The following PYROXD1 variants were observed in gnomAD, a reference collection of about 807,000 sequenced individuals.
PYROXD1 encodes the protein tRNA ligase complex-associated NAD(P)H dehydrogenase PYROXD1.
Under a neutral mutation model 62.0 loss-of-function variants are expected in PYROXD1, and 42 were observed. That is an observed-to-expected ratio of 0.68 (90% CI 0.53 to 0.88). The LOEUF is 0.88. PYROXD1 is among the 40% of genes least tolerant of loss of function. The pLI, the probability that PYROXD1 is intolerant of heterozygous loss-of-function variation, is 0.00. For synonymous variants in PYROXD1, 170 were observed against 206.4 expected (o/e 0.82, Z 1.51); for missense variants, 493 against 604.8 (o/e 0.82, Z 1.94).
At position 21,449,596 on chromosome 12, in the gene PYROXD1, T is replaced by C. The variant is rs1185527011; in HGVS notation, c.319T>C (p.Tyr107His). The C allele has an allele frequency of 6.2e-7, 1 of 1,613,318 alleles. No homozygotes were observed. Among genetic ancestry groups the C allele is most frequent in the South Asian group, 1.1e-5 (1 of 90,992 alleles). Residue 107 changes from tyrosine to histidine, a missense_variant, in exon 4 of 12, where the codon TAT (tyrosine) becomes CAT (histidine). Tyr to His is a moderately conservative substitution (Grantham distance 83, BLOSUM62 2). This residue lies in a region of PYROXD1 where 164 missense variants were observed against 158.2 expected (regional missense o/e 1.04). Transcript: ENST00000240651. Reference protein sequence around the residue: ...IVTEDGNQHVYKKLCLCAGAK... With the variant: ...IVTEDGNQHVHKKLCLCAGAK... The stretch of plus-strand genomic sequence containing the variant: ...AACAGAAGATGGCAATCAGCACGTA[T>C]ATAAGAAACTCTGTCTGTGTGCTGG...
intron 7 of PYROXD1, among the ~76,000 whole-genome samples, chr12:21,460,331 C>T (rs568237054): frequency 2.6e-5 from 4 of 151,862 alleles, no homozygotes; most frequent in African/African-American, 7.3e-5. Flanking sequence ...TTCAGGGATA[C>T]GACAGTAAGT....
rs1371888939 is a variant in PYROXD1, at chr12:21,456,065, T to C, written c.720T>C (p.His240=). The part of the protein sequence containing the change: ...NVGSALGPDW[H]EGLNLKGTKE... The stretch of plus-strand genomic sequence containing the variant: ...GAAGTGCATTGGGACCAGATTGGCA[T>C]GAAGGCTTGAATCTTAAAGGAACAA... The change falls in exon 7 of 12, where the codon CAT becomes CAC. Residue 240 remains histidine, a synonymous_variant. Coordinates refer to ENST00000240651, the MANE Select transcript of PYROXD1 (RefSeq NM_024854.5). The C allele has an allele frequency of 6.2e-7, 1 of 1,609,824 alleles. No individual in the cohort carries two copies. The highest frequency in any genetic ancestry group is 8.5e-7 in the Non-Finnish European group (1 of 1,177,132).
At chr12:21,462,931 A>G in intron 10 of PYROXD1, 69 bp downstream of exon 10, 1 of 1,489,174 alleles carries the variant, frequency 6.7e-7, no homozygotes, top group South Asian at 1.3e-5. Context: ...GTTGTTACCA[A>G]CAAATCCAAC....
intron 10 of PYROXD1, among the ~76,000 whole-genome samples, chr12:21,464,251 C>CCTT (rs1372833159): frequency 6.6e-6 from 1 of 151,520 alleles, no homozygotes; most frequent in Non-Finnish European, 1.5e-5. Flanking sequence ...TTTGAGTGCA[C>CCTT]CTTATAGGCC....
Position 21,470,971 on chromosome 12 carries a change from T to C in PYROXD1, c.*2217T>C, listed in dbSNP as rs773438480. On this transcript the variant is annotated 3_prime_UTR_variant, in exon 12 of 12. Coordinates refer to ENST00000240651, the MANE Select transcript of PYROXD1 (RefSeq NM_024854.5). Reference sequence around the variant, plus strand: ...ACTGAAAATTAATAGCCATTTACCCTGAAAGAGTTCTGCGTGGACTTTGTC... The same window carrying C: ...ACTGAAAATTAATAGCCATTTACCCCGAAAGAGTTCTGCGTGGACTTTGTC... The C allele has an allele frequency of 7.2e-6, 11 of 1,532,062 alleles. No homozygotes were observed. The East Asian group carries it at 2.7e-4, about 38-fold the overall frequency. The allele number at this position is 1,532,062 out of a possible 1,614,324, so 94.9% of individuals were successfully genotyped here. A position where few individuals can be genotyped will look rare whatever the true frequency, so the allele number is the denominator to read the frequency against.
chr12:21,437,928 G>T, intron 1 of PYROXD1, 114 bp downstream of exon 1: 1 of 919,914 alleles, frequency 1.1e-6, no homozygotes, highest in South Asian at 1.7e-5. Context: ...TTTTTGCTGC[G>T]CCCTTTTCCG....
chr12:21,437,677 C>T lies in PYROXD1; in HGVS notation c.-54C>T. 1.3e-6 allele frequency: 2 copies of T among 1,546,224 alleles called. No individual in the cohort carries two copies. Among genetic ancestry groups the T allele is most frequent in the Non-Finnish European group, 1.8e-6 (2 of 1,140,302 alleles). ...CGCGGCTGCTTCCTCTCCTGGAGTC[C>T]AGAGTCCCGTTGCTCCGCCGCGATA... On this transcript the variant is annotated 5_prime_UTR_variant, in exon 1 of 12. Coordinates refer to ENST00000240651, the MANE Select transcript of PYROXD1 (RefSeq NM_024854.5).
chr12:21,442,154 G>A (rs904764202), intron 2 of PYROXD1, among the ~76,000 whole-genome samples: 6 of 152,200 alleles, frequency 3.9e-5, no homozygotes, highest in African/African-American at 1.4e-4. Context: ...CACTGAGTCT[G>A]CCTTCTGGGT....
Position 21,462,750 on chromosome 12 carries a change from G to A in PYROXD1, c.1004G>A (p.Gly335Glu). 6.2e-7 allele frequency: 1 copy of A among 1,613,774 alleles called. No homozygotes were observed. Among genetic ancestry groups the A allele is most frequent in the Non-Finnish European group, 8.5e-7 (1 of 1,179,876 alleles). The change falls in exon 10 of 12, where the codon GGA becomes GAA. Residue 335 changes from glycine to glutamate, a missense_variant. Coordinates refer to ENST00000240651, the MANE Select transcript of PYROXD1 (RefSeq NM_024854.5). ...AGGAATGTTGTTTAGTTTGATCTAGGAGAAGATGGTGGCCTGAAAGTGGAT... is the reference window on the plus strand; with the variant it reads ...AGGAATGTTGTTTAGTTTGATCTAGAAGAAGATGGTGGCCTGAAAGTGGAT... ...PFLHGNSFDL[G>E]EDGGLKVDDH...
intron 6 of PYROXD1, 106 bp downstream of exon 6, chr12:21,455,398 AT>A: frequency 4.0e-6 from 2 of 495,924 alleles, no homozygotes; most frequent in Non-Finnish European, 6.5e-6. Flanking sequence ...AAATAGTAAT[AT>A]GGATATTTAT....
At position 21,470,182 on chromosome 12, in the gene PYROXD1, G is replaced by A; in HGVS notation, c.*1428G>A. 1 of 1,610,072 alleles carries A rather than the reference G, an allele frequency of 6.2e-7. No individual in the cohort carries two copies. The highest frequency in any genetic ancestry group is 8.5e-7 in the Non-Finnish European group (1 of 1,177,984). ...AAACCATCTTTAATTAGAAAATTTA[G>A]TAACATTCATATCAGGCATCATCGA... On this transcript the variant is annotated 3_prime_UTR_variant, in exon 12 of 12. Transcript: ENST00000240651.
intron 10 of PYROXD1, among the ~76,000 whole-genome samples, chr12:21,463,644 A>T (rs933267800): frequency 6.6e-6 from 1 of 151,004 alleles, no homozygotes; most frequent in African/African-American, 2.4e-5. Flanking sequence ...GTGAGCTGAG[A>T]TCGCACCACT....
At position 21,452,073 on chromosome 12, in the gene PYROXD1, T is replaced by C. The variant is rs755127990; in HGVS notation, c.415-8T>C. 4.5e-6 allele frequency: 7 copies of C among 1,550,772 alleles called. No homozygotes were observed. The highest frequency in any genetic ancestry group is 6.2e-6 in the Non-Finnish European group (7 of 1,135,370). ...AAATACTACCTCATTATTTTCTTTT[T>C]AACATAGGAATTTCAGAAACAGCTT... On this transcript the variant is annotated splice_region_variant and splice_polypyrimidine_tract_variant and intron_variant, in intron 4 of 11. Transcript: ENST00000240651.
intron 3 of PYROXD1, chr12:21,447,792 C>T (rs1396143687): frequency 6.1e-6 from 1 of 163,650 alleles, no homozygotes. Flanking sequence ...CGAGACCGTC[C>T]TGGCTAACAC....
At chr12:21,447,340 A>C (rs1220317250) in intron 3 of PYROXD1, among the ~76,000 whole-genome samples, 1 of 152,220 alleles carries the variant, frequency 6.6e-6, no homozygotes, top group Admixed American at 6.5e-5. Context: ...TAAGTTTCTA[A>C]TACTTATAGT....
intron 7 of PYROXD1, 21 bp downstream of exon 7, chr12:21,456,116 TG>T: frequency 7.3e-7 from 1 of 1,373,726 alleles, no homozygotes; most frequent in East Asian, 2.3e-5. Context: ...ATATACTAAT[TG>T]GTCATGTCTA....
chr12:21,445,952 T>C (rs118171527), intron 3 of PYROXD1, among the ~76,000 whole-genome samples: 3,326 of 152,038 alleles, frequency 0.022, 63 homozygotes, highest in Middle Eastern at 0.078. Context: ...GTTCCCCAGG[T>C]GGAAAGAGGC....
intron 2 of PYROXD1, among the ~76,000 whole-genome samples, chr12:21,444,429 A>G (rs751734294): frequency 1.6e-4 from 24 of 152,232 alleles, no homozygotes; most frequent in Non-Finnish European, 2.5e-4. Flanking sequence ...TGAGATATGA[A>G]GAGTGATAGA....
rs1342029696 is a variant in PYROXD1, at chr12:21,438,060, C to A, written c.84+246C>A. 1.1e-5 allele frequency: 6 copies of A among 565,038 alleles called. No homozygotes were observed. In the East Asian group the frequency reaches 1.2e-4, roughly 12 times the overall value. The allele number at this position is 565,038 out of a possible 1,614,324, so 35.0% of individuals were successfully genotyped here. A position where few individuals can be genotyped will look rare whatever the true frequency, so the allele number is the denominator to read the frequency against. ...AGCCGAGAAACCAAAGCTGGCTGAT[C>A]CGTGCTCAGATCCTTGTAATGTCAG... On this transcript the variant is annotated intron_variant, in intron 1 of 11. Transcript: ENST00000240651.
Sources: allele counts gnomAD v4.1 joint callset (sites outside exome capture counted in the v4.1 genomes callset), GRCh38; gene constraint gnomAD v4.1.1; regional missense constraint gnomAD v4.1.1; transcripts MANE v1.5; gene names NCBI Gene and HGNC (gene_info 2026-07-23, HGNC 2026-07-21).